Variants in PDE7A observed in about 807,000 individuals in gnomAD.
PDE7A encodes phosphodiesterase 7A.
Under a neutral mutation model 64.3 loss-of-function variants are expected in PDE7A, and 39 were observed. That is an observed-to-expected ratio of 0.61 (90% CI 0.47 to 0.79). PDE7A has a LOEUF of 0.79. PDE7A is among the 30% of genes least tolerant of loss of function. PDE7A has a pLI of 0.00. For synonymous variants in PDE7A, 203 were observed against 206.8 expected (o/e 0.98, Z 0.16); for missense variants, 470 against 582.8 (o/e 0.81, Z 1.99).
In PDE7A at chr8:65,719,007, T is replaced by C. The variant is rs1427551204; in HGVS notation, c.*283A>G. ...GATGCTTTGAAAAAGTCGTGGCACA[T>C]ATCAAAACTTCCTTTGTTACTCCTT... On this transcript the variant is annotated 3_prime_UTR_variant, in exon 13 of 13. Transcript: ENST00000401827. The C allele has an allele frequency of 4.4e-6, 2 of 454,206 alleles. No homozygotes were observed. Among genetic ancestry groups the C allele is most frequent in the Non-Finnish European group, 8.0e-6 (2 of 249,176 alleles). 28.1% of individuals were successfully genotyped at this position (454,206 alleles called of 1,614,324 possible). A position where few individuals can be genotyped will look rare whatever the true frequency, so the allele number is the denominator to read the frequency against.
At chr8:65,730,735 C>T (rs959890496) in intron 7 of PDE7A, among the ~76,000 whole-genome samples, 1 of 151,946 alleles carries the variant, frequency 6.6e-6, no homozygotes, top group Non-Finnish European at 1.5e-5. Flanking sequence ...CGAGACTAGC[C>T]TGGCCATCAT....
In PDE7A at chr8:65,739,527, A is replaced by G; in HGVS notation, c.570T>C (p.Asp190=). 1.3e-6 allele frequency: 2 copies of G among 1,569,772 alleles called. No individual in the cohort carries two copies. Among genetic ancestry groups the G allele is most frequent in the Non-Finnish European group, 1.7e-6 (2 of 1,162,832 alleles). ...CTAAAAATCTACGAAGTTTCATCAT[A>G]TCTAAATGGAAGTACTCAATTAATC... ...LHGLIEYFHL[D]MMKLRRFLVM... is the part of the protein sequence containing the mutation. The change falls in exon 6 of 13, where the codon GAT becomes GAC. Residue 190 remains aspartate, a synonymous_variant. Coordinates refer to ENST00000401827, the MANE Select transcript of PDE7A (RefSeq NM_001242318.3).
intron 10 of PDE7A, 102 bp downstream of exon 10, chr8:65,724,675 A>G: frequency 9.7e-7 from 1 of 1,034,386 alleles, no homozygotes; most frequent in Non-Finnish European, 1.4e-6. Context: ...GCTTGCCCTC[A>G]AGATTTAACC....
At chr8:65,752,982 A>G (rs1055498859) in intron 3 of PDE7A, among the ~76,000 whole-genome samples, 7 of 152,166 alleles carry the variant, frequency 4.6e-5, no homozygotes, top group African/African-American at 1.7e-4. Flanking sequence ...CTGAATGTAC[A>G]TGTCTAATGC....
At chr8:65,812,639 T>G (rs1810283536) in intron 1 of PDE7A, among the ~76,000 whole-genome samples, 1 of 152,162 alleles carries the variant, frequency 6.6e-6, no homozygotes, top group Admixed American at 6.5e-5. Flanking sequence ...GACAAGACAT[T>G]AGATAAAATA....
chr8:65,792,742 T>A (rs1456344846), intron 1 of PDE7A, among the ~76,000 whole-genome samples: 1 of 152,148 alleles, frequency 6.6e-6, no homozygotes, highest in African/African-American at 2.4e-5. Flanking sequence ...AAGTAATAAA[T>A]CAGAGTAAGG....
intron 1 of PDE7A, among the ~76,000 whole-genome samples, chr8:65,837,897 C>A (rs1810986057): frequency 6.6e-6 from 1 of 152,114 alleles, no homozygotes; most frequent in African/African-American, 2.4e-5. Flanking sequence ...CAGAAAGTTT[C>A]CCTTTGAGGG....
chr8:65,788,942 T>C (rs758078568), intron 1 of PDE7A: 4 of 1,612,782 alleles, frequency 2.5e-6, no homozygotes, highest in Non-Finnish European at 2.5e-6. Flanking sequence ...TAATTCCCAT[T>C]GGATCAATCA....
intron 1 of PDE7A, among the ~76,000 whole-genome samples, chr8:65,793,835 C>A (rs1809765449): frequency 6.6e-6 from 1 of 152,098 alleles, no homozygotes. Context: ...AGAAGTAGGA[C>A]CAGGAGCACA....
chr8:65,774,830 C>T (rs562671402), intron 3 of PDE7A, among the ~76,000 whole-genome samples: 101 of 152,222 alleles, frequency 6.6e-4, no homozygotes, highest in African/African-American at 2.3e-3. Flanking sequence ...GGCTGTTTCT[C>T]ATATCTGCTA....
chr8:65,737,460 T>C (rs1807189177), intron 6 of PDE7A, among the ~76,000 whole-genome samples: 1 of 152,180 alleles, frequency 6.6e-6, no homozygotes, highest in South Asian at 2.1e-4. Context: ...AGGCTTCTGT[T>C]TACCTAGATA....
At chr8:65,787,303 C>A (rs1046294538) in intron 1 of PDE7A, among the ~76,000 whole-genome samples, 1 of 152,168 alleles carries the variant, frequency 6.6e-6, no homozygotes, top group Non-Finnish European at 1.5e-5. Context: ...TTTATTAGTT[C>A]CATTTTGCAG....
At chr8:65,730,139 CTG>C (rs1464251601) in intron 7 of PDE7A, among the ~76,000 whole-genome samples, 1 of 140,472 alleles carries the variant, frequency 7.1e-6, no homozygotes, top group Admixed American at 7.2e-5. Context: ...CTATTGTAAA[CTG>C]TGCATGTGAG....
At chr8:65,777,400 A>C (rs984564203) in intron 3 of PDE7A, among the ~76,000 whole-genome samples, 1 of 151,952 alleles carries the variant, frequency 6.6e-6, no homozygotes, top group African/African-American at 2.4e-5. Flanking sequence ...AATATAGTGA[A>C]TTACACTGAT....
intron 3 of PDE7A, among the ~76,000 whole-genome samples, chr8:65,777,987 C>T (rs1173610680): frequency 1.3e-5 from 2 of 152,186 alleles, no homozygotes; most frequent in Non-Finnish European, 2.9e-5. Context: ...TTAAAGACTG[C>T]TCCTGCTACA....
At chr8:65,760,475 C>A (rs1808435135) in intron 3 of PDE7A, among the ~76,000 whole-genome samples, 1 of 152,102 alleles carries the variant, frequency 6.6e-6, no homozygotes, top group African/African-American at 2.4e-5. Flanking sequence ...AGAAGTAGAA[C>A]AAGGAATAGG....
chr8:65,754,615 C>T (rs1000225923), intron 3 of PDE7A, among the ~76,000 whole-genome samples: 24 of 150,014 alleles, frequency 1.6e-4, no homozygotes, highest in Middle Eastern at 3.2e-3. Flanking sequence ...GGATTACAGG[C>T]TGAGCCACCA....
chr8:65,815,056 G>A (rs1267984186), intron 1 of PDE7A, among the ~76,000 whole-genome samples: 1 of 151,316 alleles, frequency 6.6e-6, no homozygotes, highest in Non-Finnish European at 1.5e-5. Context: ...ACTTCAGGCT[G>A]TGTGACAGAG....
intron 1 of PDE7A, among the ~76,000 whole-genome samples, chr8:65,785,831 T>C (rs1389768977): frequency 9.1e-6 from 1 of 109,384 alleles, no homozygotes. Context: ...GACATTATTA[T>C]TATGATTTTT....
Sources: gnomAD v4.1 joint callset for allele counts (sites outside exome capture counted in the v4.1 genomes callset) on GRCh38, gnomAD v4.1.1 for gene constraint, MANE v1.5 for transcripts, NCBI Gene and HGNC (gene_info 2026-07-23, HGNC 2026-07-21) for gene names.